The following SERPINB5 variants were observed in gnomAD, a reference collection of about 807,000 sequenced individuals.
SERPINB5 encodes serpin B5.
A neutral mutation model predicts 32.2 loss-of-function variants in SERPINB5; 27 were observed. That is an observed-to-expected ratio of 0.84 (90% CI 0.62 to 1.16). The LOEUF is 1.16. Among genes scored for constraint, SERPINB5 ranks in the 50% most tolerant of loss-of-function variants. The probability of loss-of-function intolerance (pLI) is 0.00; values close to 1 mark genes in which losing one functional copy is unlikely to be tolerated. For synonymous variants in SERPINB5, 154 were observed against 157.4 expected (o/e 0.98, Z 0.16); for missense variants, 388 against 436.3 (o/e 0.89, Z 0.99).
At chr18:63,495,219 A>G (rs1001718895) in intron 5 of SERPINB5, among the ~76,000 whole-genome samples, 2 of 152,264 alleles carry the variant, frequency 1.3e-5, no homozygotes, top group South Asian at 2.1e-4. Context: ...TTCTAGAGAC[A>G]TAGCTTATGC....
intron 2 of SERPINB5, among the ~76,000 whole-genome samples, chr18:63,484,829 C>T (rs952232714): frequency 7.1e-6 from 1 of 141,724 alleles, no homozygotes; most frequent in African/African-American, 2.6e-5. Context: ...CTCACTGCAG[C>T]CTCCAGGTTC....
chr18:63,484,557 A>C lies in SERPINB5; in HGVS notation c.129A>C (p.Gln43His). The C allele has an allele frequency of 6.2e-7, 1 of 1,614,106 alleles. No homozygotes were observed. Among genetic ancestry groups the C allele is most frequent in the East Asian group, 2.2e-5 (1 of 44,884 alleles). The change falls in exon 2 of 7, where the codon CAA (glutamine) becomes CAC (histidine). Residue 43 changes from glutamine to histidine, a missense_variant. By Grantham distance (24) the Gln-to-His change is conservative. Coordinates refer to ENST00000382771, the MANE Select transcript of SERPINB5 (RefSeq NM_002639.5). ...TCTCCACCTCTCTGTCACTTGCTCA[A>C]GTGGGTGCTAAAGGTGACACTGCAA... ...ICLSTSLSLA[Q>H]VGAKGDTANE...
chr18:63,486,856 C>T (rs767588017), intron 2 of SERPINB5, 90 bp from the exon 3 acceptor site: 26 of 1,382,670 alleles, frequency 1.9e-5, no homozygotes, highest in Admixed American at 3.8e-5. Context: ...GTCTGTATGC[C>T]CAAGGACGTT....
At chr18:63,494,545 G>C (rs936294845) in intron 5 of SERPINB5, among the ~76,000 whole-genome samples, 1 of 152,090 alleles carries the variant, frequency 6.6e-6, no homozygotes, top group Non-Finnish European at 1.5e-5. Flanking sequence ...TAGCTCCTAC[G>C]CGTCAGTTCT....
intron 1 of SERPINB5, among the ~76,000 whole-genome samples, chr18:63,483,440 G>A (rs1159112666): frequency 1.3e-5 from 2 of 152,222 alleles, no homozygotes; most frequent in African/African-American, 4.8e-5. Flanking sequence ...GTCCTGCAAA[G>A]GCATTAGTTA....
chr18:63,498,980 T>C lies in SERPINB5; in HGVS notation c.568-140T>C, dbSNP rs1422690836. On this transcript the variant is annotated intron_variant, in intron 5 of 6. Coordinates refer to ENST00000382771, the MANE Select transcript of SERPINB5 (RefSeq NM_002639.5). The surrounding 1 kb of genome is among the most constrained non-coding windows in gnomAD (Gnocchi z 4.2). ...GTATCTGTATATATATAGGTGTAGGTATATATGTATGTGTGTCTGTATATA... is the reference window on the plus strand; with the variant it reads ...GTATCTGTATATATATAGGTGTAGGCATATATGTATGTGTGTCTGTATATA... 1.1e-5 allele frequency: 4 copies of C among 371,280 alleles called. No individual in the cohort carries two copies. The highest frequency in any genetic ancestry group is 6.3e-5 in the African/African-American group (3 of 47,984). The allele number at this position is 371,280 out of a possible 1,614,324, so 23.0% of individuals were successfully genotyped here. A position where few individuals can be genotyped will look rare whatever the true frequency, so the allele number is the denominator to read the frequency against.
intron 3 of SERPINB5, among the ~76,000 whole-genome samples, chr18:63,487,874 A>G (rs1464439711): frequency 6.6e-6 from 1 of 152,172 alleles, no homozygotes; most frequent in African/African-American, 2.4e-5. Flanking sequence ...ATATTTTACC[A>G]TGATTTTGCA....
At position 63,504,601 on chromosome 18, in the gene SERPINB5, AT is replaced by A. The variant is rs1909640979; in HGVS notation, c.*884del. On this transcript the variant is annotated 3_prime_UTR_variant, in exon 7 of 7. Transcript: ENST00000382771. ...CAGATCTTAATATAAATTCACTTTC[AT>A]TTTTGATAGCTGTCCCATCTGGTCA... is the stretch of plus-strand genomic sequence containing the variant. 1 of 152,196 alleles carries A rather than the reference AT, an allele frequency of 6.6e-6. No individual in the cohort carries two copies. Among genetic ancestry groups the A allele is most frequent in the African/African-American group, 2.4e-5 (1 of 41,438 alleles). 9.4% of individuals were successfully genotyped at this position (152,196 alleles called of 1,614,324 possible).
chr18:63,482,566 A>T (rs73963798), intron 1 of SERPINB5, among the ~76,000 whole-genome samples: 3,545 of 152,300 alleles, frequency 0.023, 141 homozygotes, highest in African/African-American at 0.081. Context: ...CTCTGCTCCC[A>T]GAAAGGGAAG....
intron 5 of SERPINB5, chr18:63,493,346 C>A: frequency 8.8e-6 from 5 of 568,358 alleles, no homozygotes; most frequent in South Asian, 7.7e-5. Flanking sequence ...TGTAACCCAG[C>A]GAGGAAAGCT....
chr18:63,499,883 A>G (rs897951870), intron 6 of SERPINB5, among the ~76,000 whole-genome samples: 1 of 152,120 alleles, frequency 6.6e-6, no homozygotes, highest in Non-Finnish European at 1.5e-5. Context: ...AGAAAGTACA[A>G]GGAGTTCCCA....
chr18:63,490,170 C>T (rs1308651567), intron 4 of SERPINB5, among the ~76,000 whole-genome samples: 2 of 151,930 alleles, frequency 1.3e-5, no homozygotes, highest in Admixed American at 6.6e-5. Context: ...CCAGCCTGGG[C>T]GACAGAGTGA....
chr18:63,499,235 T>C lies in SERPINB5; in HGVS notation c.683T>C (p.Met228Thr). The change falls in exon 6 of 7, where the codon ATG (methionine) becomes ACG (threonine). Residue 228 changes from methionine (M) to threonine (T), a missense_variant. Coordinates refer to ENST00000382771, the MANE Select transcript of SERPINB5 (RefSeq NM_002639.5). ...ELPFQNKHLS[M>T]FILLPKDVED... ...CCTTTTCAAAATAAGCATCTCAGCA[T>C]GTTCATCCTACTACCCAAGGATGTG... 1 of 1,600,936 alleles carries C rather than the reference T, an allele frequency of 6.2e-7. No homozygotes were observed. The highest frequency in any genetic ancestry group is 1.1e-5 in the South Asian group (1 of 88,994).
At chr18:63,489,097 G>A (rs1917258640) in intron 3 of SERPINB5, among the ~76,000 whole-genome samples, 2 of 152,004 alleles carry the variant, frequency 1.3e-5, no homozygotes, top group African/African-American at 4.8e-5. Flanking sequence ...TTAACATAGT[G>A]TTTTCCCCAA....
intron 5 of SERPINB5, among the ~76,000 whole-genome samples, chr18:63,496,225 C>T (rs1212156726): frequency 1.3e-5 from 2 of 152,138 alleles, no homozygotes; most frequent in Non-Finnish European, 2.9e-5. Flanking sequence ...CAACTATGTG[C>T]ACATTCAGAA....
chr18:63,497,065 C>A, intron 5 of SERPINB5: 1 of 577,298 alleles, frequency 1.7e-6, no homozygotes, highest in South Asian at 1.4e-5. Context: ...CGGCCTGTGT[C>A]TGCCTCCTTC....
intron 2 of SERPINB5, chr18:63,485,500 G>A (rs923377744): frequency 2.0e-5 from 3 of 152,220 alleles, no homozygotes; most frequent in African/African-American, 7.2e-5. Context: ...AGGTAAGGAT[G>A]AAGAATTTAC....
At chr18:63,499,037 G>A (rs62098274) in intron 5 of SERPINB5, 83 bp from the exon 6 acceptor site, 41,199 of 383,128 alleles carry the variant, frequency 0.11, 2,826 homozygotes, top group Non-Finnish European at 0.13. Context: ...GTGTGTGTGC[G>A]CGCGTGTGTG....
At chr18:63,480,297 TTAAAA>T (rs749815663) in intron 1 of SERPINB5, among the ~76,000 whole-genome samples, 16 of 152,256 alleles carry the variant, frequency 1.1e-4, no homozygotes, top group Non-Finnish European at 1.9e-4. Context: ...TTTCCTATGG[TTAAAA>T]TAAAGTTCCT....
Sources: gnomAD v4.1 joint callset for allele counts (sites outside exome capture counted in the v4.1 genomes callset) on GRCh38, gnomAD v4.1.1 for gene constraint, Gnocchi (gnomAD v3.1) non-coding constraint, MANE v1.5 for transcripts, NCBI Gene and HGNC (gene_info 2026-07-23, HGNC 2026-07-21) for gene names.